Variants in PTER observed in about 807,000 individuals in gnomAD.
PTER encodes N-acetyltaurine hydrolase.
In PTER, 38 loss-of-function variants were observed where a neutral mutation model predicts 29.6. The observed-to-expected ratio is 1.28, with a 90% CI of 0.99 to 1.68. PTER has a LOEUF of 1.68. Ranked by LOEUF, PTER falls within the 40% of genes most tolerant of loss-of-function variation. The pLI is 0.00. For missense variants in PTER, 482 were observed against 427.8 expected, an observed-to-expected ratio of 1.13 and a Z score of -1.12; for synonymous variants, 172 against 154.5, an observed-to-expected ratio of 1.11 and a Z score of -0.84.
intron 1 of PTER, among the ~76,000 whole-genome samples, chr10:16,450,405 G>A (rs560509328): frequency 6.6e-6 from 1 of 152,140 alleles, no homozygotes; most frequent in Non-Finnish European, 1.5e-5. Context: ...CTGGGGATGG[G>A]GAAGCTGTTT....
intron 4 of PTER, among the ~76,000 whole-genome samples, chr10:16,505,528 A>C (rs1836527309): frequency 6.6e-6 from 1 of 152,246 alleles, no homozygotes; most frequent in Non-Finnish European, 1.5e-5. Flanking sequence ...CTAAAGCCAT[A>C]ACTTCCTACA....
Position 16,505,178 on chromosome 10 carries a change from T to C in PTER, c.839+18T>C. The C allele has an allele frequency of 1.2e-6, 2 of 1,612,588 alleles. No individual in the cohort carries two copies. Among genetic ancestry groups the C allele is most frequent in the Non-Finnish European group, 1.7e-6 (2 of 1,179,158 alleles). ...ATTAGAAGGTAAATATGGTAAAGCC[T>C]CTCATAGCATTCCCTTTCCCTAGCC... On this transcript the variant is annotated intron_variant, in intron 4 of 4. Transcript: ENST00000535784.
chr10:16,446,509 T>A (rs1325778597), intron 1 of PTER, among the ~76,000 whole-genome samples: 3 of 152,154 alleles, frequency 2.0e-5, no homozygotes, highest in Non-Finnish European at 4.4e-5. Context: ...TGTAGTTAGA[T>A]AGAGAGATCA....
intron 1 of PTER, among the ~76,000 whole-genome samples, chr10:16,450,550 A>G (rs1443138526): frequency 6.6e-6 from 1 of 152,156 alleles, no homozygotes; most frequent in Admixed American, 6.5e-5. Flanking sequence ...CCTCACTTTG[A>G]CAGGAGACAT....
intron 1 of PTER, among the ~76,000 whole-genome samples, chr10:16,455,020 G>C (rs1005744069): frequency 3.3e-5 from 5 of 152,150 alleles, no homozygotes; most frequent in Non-Finnish European, 5.9e-5. Flanking sequence ...CTTAAGCCCA[G>C]GAGTTGAAGA....
At chr10:16,446,705 C>T (rs11253999) in intron 1 of PTER, among the ~76,000 whole-genome samples, 2 of 151,964 alleles carry the variant, frequency 1.3e-5, no homozygotes, top group African/African-American at 4.8e-5. Context: ...GAGGTCAAAA[C>T]GCTTAATTTC....
rs1353196135 is a variant in PTER, at chr10:16,453,271, T to C, written c.-49+16224T>C. ...ACCATCTACTAAAGAATAAAATTAT[T>C]CTTGGTTAAGTTGGCACAAAATTTT... On this transcript the variant is annotated intron_variant, in intron 1 of 4. Transcript: ENST00000535784. Among the ~76,000 whole-genome samples the C allele has an allele frequency of 2.0e-5, 3 of 152,192 alleles. No individual in the cohort carries two copies. In the East Asian group the frequency reaches 5.8e-4, roughly 29 times the overall value.
intron 1 of PTER, among the ~76,000 whole-genome samples, chr10:16,464,557 T>C (rs1328381219): frequency 6.6e-6 from 1 of 152,238 alleles, no homozygotes; most frequent in Admixed American, 6.5e-5. Context: ...ATCGCCCTTA[T>C]GTAGTTCTCA....
At chr10:16,498,578 C>G (rs1316474571) in intron 3 of PTER, among the ~76,000 whole-genome samples, 1 of 152,004 alleles carries the variant, frequency 6.6e-6, no homozygotes, top group African/African-American at 2.4e-5. Flanking sequence ...GCGAGACTGT[C>G]TCAAAAAACT....
downstream of PTER, chr10:16,514,116 A>T: frequency 2.5e-6 from 1 of 392,662 alleles, no homozygotes; most frequent in East Asian, 3.6e-5. Flanking sequence ...CTATGAATGG[A>T]CTCCAAGTAT....
chr10:16,494,755 C>T (rs60092579), intron 3 of PTER, among the ~76,000 whole-genome samples: 4,860 of 152,212 alleles, frequency 0.032, 234 homozygotes, highest in African/African-American at 0.11. Context: ...CTTACATCAT[C>T]TCTATTTACT....
intron 3 of PTER, among the ~76,000 whole-genome samples, chr10:16,488,249 C>A (rs980565480): frequency 6.6e-6 from 1 of 152,152 alleles, no homozygotes; most frequent in African/African-American, 2.4e-5. Context: ...GAAAACTAGA[C>A]TCTTTGGACC....
chr10:16,507,660 G>A (rs1588633809), intron 4 of PTER, among the ~76,000 whole-genome samples: 1 of 152,182 alleles, frequency 6.6e-6, no homozygotes, highest in East Asian at 1.9e-4. Flanking sequence ...TATGCTTCAA[G>A]TTTAGTATCA....
chr10:16,490,177 T>G (rs537504826), intron 3 of PTER, among the ~76,000 whole-genome samples: 79 of 152,300 alleles, frequency 5.2e-4, no homozygotes, highest in African/African-American at 1.3e-3. Context: ...AAAGCCTATT[T>G]TATAATAAGG....
intron 2 of PTER, 94 bp downstream of exon 2, chr10:16,484,910 C>A: frequency 1.5e-6 from 2 of 1,360,196 alleles, no homozygotes; most frequent in Non-Finnish European, 1.9e-6. Flanking sequence ...GCTGGGCATG[C>A]TACGGAAATT....
intron 1 of PTER, among the ~76,000 whole-genome samples, chr10:16,452,194 T>TAC (rs375537112): frequency 0.014 from 1,997 of 146,306 alleles, 20 homozygotes; most frequent in Middle Eastern, 0.046. Flanking sequence ...ACCAGTGGGA[T>TAC]ACACACACAC....
At position 16,511,840 on chromosome 10, in the gene PTER, T is replaced by G. The variant is rs1439946792; in HGVS notation, c.*584T>G. ...TAATTTTATACTGTCCACCTATCTA[T>G]ATATTCTTCTACTGAAATGATTTTG... On this transcript the variant is annotated 3_prime_UTR_variant, in exon 5 of 5. Transcript: ENST00000535784. 1 of 153,294 alleles carries G rather than the reference T, an allele frequency of 6.5e-6. No homozygotes were observed. The highest frequency in any genetic ancestry group is 1.5e-5 in the Non-Finnish European group (1 of 68,490). 9.5% of individuals were successfully genotyped at this position (153,294 alleles called of 1,614,324 possible). A position where few individuals can be genotyped will look rare whatever the true frequency, so the allele number is the denominator to read the frequency against.
chr10:16,514,327 C>T, downstream of PTER: 1 of 585,602 alleles, frequency 1.7e-6, no homozygotes, highest in Non-Finnish European at 3.0e-6. Flanking sequence ...TAGTGGATCA[C>T]ACATCTGCTT....
At chr10:16,496,390 G>A (rs1325172195) in intron 3 of PTER, among the ~76,000 whole-genome samples, 1 of 152,182 alleles carries the variant, frequency 6.6e-6, no homozygotes, top group Non-Finnish European at 1.5e-5. Flanking sequence ...TTCCCAGTAT[G>A]CACACAGTCT....
Sources: gnomAD v4.1 joint callset for allele counts (sites outside exome capture counted in the v4.1 genomes callset) on GRCh38, gnomAD v4.1.1 for gene constraint, MANE v1.5 for transcripts, NCBI Gene and HGNC (gene_info 2026-07-23, HGNC 2026-07-21) for gene names.